The following ZBTB20 variants were observed in gnomAD, a reference collection of about 807,000 sequenced individuals.
The protein encoded by ZBTB20 is zinc finger and BTB domain containing 20.
In ZBTB20, 9 loss-of-function variants were observed where a neutral mutation model predicts 56.9. The ratio of observed to expected loss-of-function variants is 0.16; its 90% confidence interval spans 0.10 to 0.28. The LOEUF (loss-of-function observed/expected upper bound fraction) is 0.28. Ranked by LOEUF, ZBTB20 falls within the 10% of genes least tolerant of loss-of-function variation. ZBTB20 has a pLI of 1.00. For missense variants in ZBTB20, 655 were observed against 1,003.0 expected (o/e 0.65, Z 4.69); for synonymous variants, 417 against 420.7 (o/e 0.99, Z 0.11).
intron 6 of ZBTB20, among the ~76,000 whole-genome samples, chr3:114,544,449 CTTTCTTTCTTTCT>C (rs2049553762): frequency 9.4e-6 from 1 of 106,828 alleles, no homozygotes; most frequent in Non-Finnish European, 1.9e-5. Context: ...TTCTTTCTTT[CTTTCTTTCTTTCT>C]TTCTTTCTTT....
rs1376750994 is a variant in ZBTB20, at chr3:114,334,155, T to C, written c.*4850A>G. The C allele has an allele frequency of 1.3e-5, 2 of 152,188 alleles. No homozygotes were observed. Among genetic ancestry groups the C allele is most frequent in the African/African-American group, 4.8e-5 (2 of 41,400 alleles). 9.4% of individuals were successfully genotyped at this position (152,188 alleles called of 1,614,324 possible). ...ATTATCTGATACCTTTTCCACAAAA[T>C]CATATATCCCCTGCTCCCAGCCCCA... On this transcript the variant is annotated 3_prime_UTR_variant, in exon 12 of 12. Transcript: ENST00000675478.
intron 2 of ZBTB20, among the ~76,000 whole-genome samples, chr3:115,063,776 C>G (rs187303272): frequency 6.6e-6 from 1 of 152,198 alleles, no homozygotes; most frequent in Admixed American, 6.5e-5. Context: ...TCTGCCAAAA[C>G]TCATTCTAGT....
intron 5 of ZBTB20, among the ~76,000 whole-genome samples, chr3:114,733,786 G>A (rs894212710): frequency 2.0e-5 from 3 of 152,128 alleles, no homozygotes; most frequent in African/African-American, 7.2e-5. Context: ...GCATGGAAGG[G>A]TAGAAGAAAG....
At chr3:114,661,383 C>T (rs1461275336) in intron 6 of ZBTB20, among the ~76,000 whole-genome samples, 1 of 152,118 alleles carries the variant, frequency 6.6e-6, no homozygotes, top group Non-Finnish European at 1.5e-5. Flanking sequence ...GAATCCCGTT[C>T]TTCCCATATT....
chr3:115,146,652 G>A (rs887845208), intron 1 of ZBTB20, among the ~76,000 whole-genome samples: 3 of 152,142 alleles, frequency 2.0e-5, no homozygotes, highest in Non-Finnish European at 4.4e-5. Context: ...CAGCGGCTGT[G>A]GGGCCAGGAC....
chr3:114,771,433 A>G (rs1379042371), intron 5 of ZBTB20, among the ~76,000 whole-genome samples: 1 of 152,172 alleles, frequency 6.6e-6, no homozygotes, highest in South Asian at 2.1e-4. Flanking sequence ...AAATAGTTAA[A>G]AATTTACAAT....
intron 4 of ZBTB20, among the ~76,000 whole-genome samples, chr3:114,892,047 CA>C (rs552755438): frequency 1.1e-3 from 158 of 141,642 alleles, no homozygotes; most frequent in Admixed American, 1.7e-3. Flanking sequence ...ACTCCATCTC[CA>C]AAAAAAAAAA....
chr3:115,085,817 T>C (rs2082965093), intron 1 of ZBTB20, among the ~76,000 whole-genome samples: 2 of 151,934 alleles, frequency 1.3e-5, no homozygotes, highest in African/African-American at 4.8e-5. Flanking sequence ...AAATATGATT[T>C]CCACACTAGA....
chr3:114,535,468 A>G (rs1213248584), intron 6 of ZBTB20, among the ~76,000 whole-genome samples: 1 of 152,224 alleles, frequency 6.6e-6, no homozygotes, highest in Non-Finnish European at 1.5e-5. Flanking sequence ...GAATAGACCA[A>G]TAACAAGTTC....
rs531717095 is a variant in ZBTB20 at position 114,687,214 on chromosome 3, T to G, written c.-295+6314A>C. 45 of 152,242 alleles carry G rather than the reference T, an allele frequency of 3.0e-4. 2 individuals are homozygous for G. The South Asian group carries it at 7.9e-3, about 27-fold the overall frequency. 9.4% of individuals were successfully genotyped at this position (152,242 alleles called of 1,614,324 possible). ...ATGATTTCCAGCTGAAATGTTTTTTTTTTTTTTTTTCTGGAGACCAAGTTT... is the reference window on the plus strand; with the variant it reads ...ATGATTTCCAGCTGAAATGTTTTTTGTTTTTTTTTTCTGGAGACCAAGTTT... On this transcript the variant is annotated intron_variant, in intron 6 of 11. Transcript: ENST00000675478.
intron 6 of ZBTB20, among the ~76,000 whole-genome samples, chr3:114,669,847 T>C (rs1210612934): frequency 6.6e-6 from 1 of 152,046 alleles, no homozygotes; most frequent in African/African-American, 2.4e-5. Flanking sequence ...TAGCACAACA[T>C]AAGCCCTAGA....
chr3:115,080,358 T>C (rs970567153), intron 1 of ZBTB20, among the ~76,000 whole-genome samples: 12 of 152,132 alleles, frequency 7.9e-5, no homozygotes, highest in Non-Finnish European at 1.5e-4. Context: ...AGATCAAACA[T>C]TGTACTAGAA....
intron 7 of ZBTB20, among the ~76,000 whole-genome samples, chr3:114,401,453 AG>A (rs1413924092): frequency 6.6e-6 from 1 of 152,132 alleles, no homozygotes; most frequent in African/African-American, 2.4e-5. Context: ...CAACTTTCAA[AG>A]GATTTTTTTT....
chr3:114,858,148 A>G (rs1269128907), intron 4 of ZBTB20, among the ~76,000 whole-genome samples: 1 of 152,212 alleles, frequency 6.6e-6, no homozygotes, highest in Non-Finnish European at 1.5e-5. Context: ...ATCTCAGCTT[A>G]ATTATATTAG....
intron 11 of ZBTB20, among the ~76,000 whole-genome samples, chr3:114,347,102 T>G (rs2080257090): frequency 7.2e-6 from 1 of 138,442 alleles, no homozygotes; most frequent in African/African-American, 2.8e-5. Context: ...TTTTTTTTTT[T>G]TTTTTTTTAA....
intron 6 of ZBTB20, among the ~76,000 whole-genome samples, chr3:114,535,533 C>A (rs994921825): frequency 6.6e-6 from 1 of 152,058 alleles, no homozygotes; most frequent in African/African-American, 2.4e-5. Flanking sequence ...CAGGACCAGA[C>A]GAATTCACAG....
chr3:114,372,991 A>C (rs1407552430), intron 10 of ZBTB20, among the ~76,000 whole-genome samples: 1 of 152,056 alleles, frequency 6.6e-6, no homozygotes, highest in East Asian at 1.9e-4. Flanking sequence ...ATCTCGGCTC[A>C]CTGCAACCTC....
At position 114,620,233 on chromosome 3, in the gene ZBTB20, AG is replaced by A. The variant is rs1374392811; in HGVS notation, c.-295+73294del. Among the ~76,000 whole-genome samples, 18 of 152,292 alleles carry A rather than the reference AG, an allele frequency of 1.2e-4. No individual in the cohort carries two copies. In the East Asian group the frequency reaches 2.9e-3, roughly 24 times the overall value. Reference sequence around the variant, plus strand: ...GGAAGATCTAATGTGGGAGTTAAGGAGGCTCAGATATAGAAGACTCTGCCAA... The same window carrying A: ...GGAAGATCTAATGTGGGAGTTAAGGAGCTCAGATATAGAAGACTCTGCCAA... On this transcript the variant is annotated intron_variant, in intron 6 of 11. Coordinates refer to ENST00000675478, the MANE Select transcript of ZBTB20 (RefSeq NM_001348800.3).
intron 6 of ZBTB20, among the ~76,000 whole-genome samples, chr3:114,683,565 G>C (rs1442337783): frequency 2.0e-5 from 3 of 152,048 alleles, no homozygotes; most frequent in Non-Finnish European, 2.9e-5. Flanking sequence ...ATAAGGATTG[G>C]CCAGGATCTC....
Sources: gnomAD v4.1 joint callset for allele counts (sites outside exome capture counted in the v4.1 genomes callset) on GRCh38, gnomAD v4.1.1 for gene constraint, MANE v1.5 for transcripts, NCBI Gene and HGNC (gene_info 2026-07-23, HGNC 2026-07-21) for gene names.